Variants in CSMD1 observed in about 807,000 individuals in gnomAD.
CSMD1 encodes the protein CUB and sushi domain-containing protein 1.
CSMD1 carries 213 observed loss-of-function variants against 417.5 expected under a neutral mutation model. The observed-to-expected ratio is 0.51, with a 90% CI of 0.46 to 0.57. The LOEUF (loss-of-function observed/expected upper bound fraction) is 0.57. Ranked by LOEUF, CSMD1 falls within the 20% of genes least tolerant of loss-of-function variation. The probability of loss-of-function intolerance (pLI) is 0.00; values close to 1 mark genes in which losing one functional copy is unlikely to be tolerated. For missense variants in CSMD1, 6,923 were observed against 4,529.7 expected, an observed-to-expected ratio of 1.53 and a Z score of -15.17; for synonymous variants, 2,862 against 1,736.8, an observed-to-expected ratio of 1.65 and a Z score of -16.11.
At chr8:3,561,961 G>T (rs1362757391) in intron 10 of CSMD1, among the ~76,000 whole-genome samples, 1 of 152,142 alleles carries the variant, frequency 6.6e-6, no homozygotes, top group African/African-American at 2.4e-5. Flanking sequence ...GTGTGCCTGT[G>T]TGCACTGCAG....
chr8:3,710,835 C>T lies in CSMD1; in HGVS notation c.932-2344G>A, dbSNP rs567508673. ...CAGGGAAGACTATGCAGAATTTGAA[C>T]TGAAATCTTCCAGCCCCAAACTCCA... On this transcript the variant is annotated intron_variant, in intron 6 of 69. Coordinates refer to ENST00000635120, the MANE Select transcript of CSMD1 (RefSeq NM_033225.6). 1.9e-4 allele frequency among the ~76,000 whole-genome samples: 29 copies of T among 152,266 alleles called. No homozygotes were observed. The South Asian group carries it at 6.0e-3, about 32-fold the overall frequency.
intron 10 of CSMD1, among the ~76,000 whole-genome samples, chr8:3,567,333 C>T (rs1426026221): frequency 6.6e-6 from 1 of 151,830 alleles, no homozygotes; most frequent in African/African-American, 2.4e-5. Flanking sequence ...GGCTTAATAC[C>T]TGGGTGATGA....
chr8:4,090,069 G>A (rs1464590666), intron 3 of CSMD1, among the ~76,000 whole-genome samples: 1 of 152,196 alleles, frequency 6.6e-6, no homozygotes, highest in Non-Finnish European at 1.5e-5. Flanking sequence ...ATTTTCGAAT[G>A]AGCAAAACTT....
chr8:4,723,253 G>T (rs1412615117), intron 1 of CSMD1, among the ~76,000 whole-genome samples: 1 of 152,070 alleles, frequency 6.6e-6, no homozygotes, highest in Non-Finnish European at 1.5e-5. Flanking sequence ...CAATTTTCTT[G>T]CCATCCCTTC....
chr8:4,717,475 C>T (rs1314735361), intron 1 of CSMD1, among the ~76,000 whole-genome samples: 3 of 151,472 alleles, frequency 2.0e-5, no homozygotes, highest in Non-Finnish European at 4.4e-5. Flanking sequence ...TATATACACA[C>T]ACACCCCTTT....
At chr8:2,994,300 C>T (rs572504770) in intron 54 of CSMD1, among the ~76,000 whole-genome samples, 60 of 152,140 alleles carry the variant, frequency 3.9e-4, no homozygotes, top group Non-Finnish European at 6.8e-4. Flanking sequence ...GGTCATTCTA[C>T]GAGACATACA....
At chr8:3,234,969 T>C (rs915715770) in intron 26 of CSMD1, among the ~76,000 whole-genome samples, 3 of 152,238 alleles carry the variant, frequency 2.0e-5, no homozygotes, top group African/African-American at 7.2e-5. Flanking sequence ...ACATGCACAA[T>C]CTTGTTCATC....
At chr8:3,659,673 T>C (rs960069990) in intron 7 of CSMD1, among the ~76,000 whole-genome samples, 22 of 152,150 alleles carry the variant, frequency 1.4e-4, no homozygotes, top group Non-Finnish European at 2.2e-4. Context: ...TACTGCTGTT[T>C]CTGTTAACAA....
At chr8:4,653,246 C>G (rs1048146771) in intron 1 of CSMD1, among the ~76,000 whole-genome samples, 80 of 152,158 alleles carry the variant, frequency 5.3e-4, no homozygotes, top group African/African-American at 1.7e-3. Flanking sequence ...AAATCGGGCT[C>G]CTATAAAGGA....
intron 2 of CSMD1, among the ~76,000 whole-genome samples, chr8:4,530,470 T>C (rs1796752710): frequency 6.6e-6 from 1 of 151,580 alleles, no homozygotes; most frequent in African/African-American, 2.4e-5. Flanking sequence ...CATTAGGTAT[T>C]TGTCCTAACA....
intron 5 of CSMD1, among the ~76,000 whole-genome samples, chr8:3,835,737 A>G (rs1802654435): frequency 6.8e-6 from 1 of 146,116 alleles, no homozygotes; most frequent in Admixed American, 7.0e-5. Flanking sequence ...AAAAAAAAAG[A>G]AATTTGGATG....
chr8:3,447,786 G>T (rs904348713), intron 12 of CSMD1, among the ~76,000 whole-genome samples: 1 of 152,204 alleles, frequency 6.6e-6, no homozygotes, highest in Non-Finnish European at 1.5e-5. Flanking sequence ...GGCAGTGGAT[G>T]GAGGGTGCAG....
intron 1 of CSMD1, among the ~76,000 whole-genome samples, chr8:4,709,064 G>A (rs1400040925): frequency 6.6e-6 from 1 of 152,146 alleles, no homozygotes; most frequent in Non-Finnish European, 1.5e-5. Flanking sequence ...TGTTATGGGA[G>A]CCCTAGCAAA....
At chr8:4,534,420 C>T (rs1370776167) in intron 2 of CSMD1, among the ~76,000 whole-genome samples, 1 of 152,184 alleles carries the variant, frequency 6.6e-6, no homozygotes, top group East Asian at 1.9e-4. Context: ...CACCTTTACT[C>T]TCTTGCCAGA....
intron 1 of CSMD1, among the ~76,000 whole-genome samples, chr8:4,862,707 G>A (rs1391498152): frequency 6.6e-6 from 1 of 152,024 alleles, no homozygotes; most frequent in Non-Finnish European, 1.5e-5. Flanking sequence ...GGCCATGGGA[G>A]GAACTGTTCA....
chr8:3,222,553 C>T (rs577264338), intron 28 of CSMD1, among the ~76,000 whole-genome samples: 2 of 152,176 alleles, frequency 1.3e-5, no homozygotes, highest in African/African-American at 4.8e-5. Flanking sequence ...TCAAGTGCTC[C>T]CCATCTTGGC....
intron 23 of CSMD1, among the ~76,000 whole-genome samples, chr8:3,312,933 G>C (rs75512602): frequency 0.013 from 1,949 of 152,244 alleles, 38 homozygotes; most frequent in African/African-American, 0.044. Flanking sequence ...TTTCAATTGA[G>C]CTTTACTTGC....
At chr8:3,118,647 T>C (rs1398680360) in intron 41 of CSMD1, 60 bp from the exon 42 acceptor site, 2 of 1,481,512 alleles carry the variant, frequency 1.3e-6, no homozygotes, top group Admixed American at 1.8e-5. Context: ...TACTTCGGAA[T>C]TTGCAGGAGT....
At chr8:4,247,722 C>A (rs1802799352) in intron 3 of CSMD1, among the ~76,000 whole-genome samples, 1 of 151,984 alleles carries the variant, frequency 6.6e-6, no homozygotes, top group Non-Finnish European at 1.5e-5. Flanking sequence ...ACTATAACGC[C>A]CTTTTGAAAA....
Sources: allele counts gnomAD v4.1 joint callset (sites outside exome capture counted in the v4.1 genomes callset), GRCh38; gene constraint gnomAD v4.1.1; transcripts MANE v1.5; gene names NCBI Gene and HGNC (gene_info 2026-07-23, HGNC 2026-07-21).